Variants in MROH2B observed in about 807,000 individuals in gnomAD.
MROH2B encodes maestro heat like repeat family member 2B.
In MROH2B, 177 loss-of-function variants were observed where a neutral mutation model predicts 208.6. The observed-to-expected ratio is 0.85, with a 90% confidence interval of 0.75 to 0.96. MROH2B has a LOEUF of 0.96. Among genes scored for constraint, MROH2B ranks in the 40% least tolerant of loss-of-function variants. MROH2B has a pLI of 0.00. For missense variants in MROH2B, 2,002 were observed against 1,878.7 expected (o/e 1.07, Z -1.21); for synonymous variants, 728 against 659.0 (o/e 1.10, Z -1.60).
At chr5:41,016,322 C>T (rs558285523) in intron 28 of MROH2B, among the ~76,000 whole-genome samples, 127 of 151,940 alleles carry the variant, frequency 8.4e-4, no homozygotes, top group African/African-American at 2.9e-3. Flanking sequence ...GCGAAAATGT[C>T]GATGTAAATT....
intron 37 of MROH2B, among the ~76,000 whole-genome samples, chr5:41,003,044 T>A (rs1236110694): frequency 6.7e-6 from 1 of 149,940 alleles, no homozygotes; most frequent in African/African-American, 2.5e-5. Context: ...CACTGCAACC[T>A]CTGCCTCCCG....
chr5:41,030,003 T>C (rs146707261), intron 24 of MROH2B, among the ~76,000 whole-genome samples: 9 of 151,982 alleles, frequency 5.9e-5, no homozygotes, highest in African/African-American at 2.2e-4. Flanking sequence ...AAGGATATAA[T>C]CAGCAGAGTG....
chr5:41,025,649 A>G (rs1742328165), intron 24 of MROH2B, among the ~76,000 whole-genome samples: 1 of 152,204 alleles, frequency 6.6e-6, no homozygotes, highest in African/African-American at 2.4e-5. Flanking sequence ...TATTCCAATC[A>G]ATAGAAAAAG....
intron 24 of MROH2B, among the ~76,000 whole-genome samples, chr5:41,022,659 T>C (rs1218875455): frequency 6.6e-6 from 1 of 152,220 alleles, no homozygotes; most frequent in Non-Finnish European, 1.5e-5. Flanking sequence ...CAGAAACCTC[T>C]GCAGACTTAA....
chr5:41,032,602 C>T (rs951663058), intron 24 of MROH2B, 140 bp downstream of exon 24: 1 of 688,562 alleles, frequency 1.5e-6, no homozygotes, highest in Non-Finnish European at 2.4e-6. Flanking sequence ...GAGAAAAAGC[C>T]CCAGTTTGAA....
At chr5:41,048,554 T>C in intron 15 of MROH2B, 89 bp from the exon 16 acceptor site, 1 of 1,356,666 alleles carries the variant, frequency 7.4e-7, no homozygotes, top group Non-Finnish European at 9.8e-7. Context: ...TTCCAATTCC[T>C]TTGATTTCTG....
In MROH2B at chr5:41,071,040, A is replaced by T; in HGVS notation, c.-188T>A. On this transcript the variant is annotated 5_prime_UTR_variant, in exon 1 of 42. Transcript: ENST00000399564. The stretch of plus-strand genomic sequence containing the variant: ...CTTCCAGAGATGGGCTTGCTGTTGA[A>T]GTTGATACTGTATTCTACCACTATG... 1.7e-6 allele frequency: 1 copy of T among 594,186 alleles called. No homozygotes were observed. The highest frequency in any genetic ancestry group is 2.8e-5 in the East Asian group (1 of 35,850). The allele number at this position is 594,186 out of a possible 1,614,324, so 36.8% of individuals were successfully genotyped here.
intron 29 of MROH2B, among the ~76,000 whole-genome samples, chr5:41,014,429 G>C (rs2111850778): frequency 6.6e-6 from 1 of 152,210 alleles, no homozygotes; most frequent in South Asian, 2.1e-4. Context: ...ACACACCAGG[G>C]CCTGTTGTGG....
At position 41,032,755 on chromosome 5, in the gene MROH2B, T is replaced by G; in HGVS notation, c.2428A>C (p.Ile810Leu). Residue 810 changes from isoleucine (I) to leucine (L), a missense_variant, in exon 24 of 42, where the codon ATT (isoleucine) becomes CTT (leucine). Physicochemically the swap from Ile to Leu is conservative, Grantham distance 5 (BLOSUM62 2). Coordinates refer to ENST00000399564, the MANE Select transcript of MROH2B (RefSeq NM_173489.5). The stretch of plus-strand genomic sequence containing the variant: ...AAAATTATCTACCTGAGATACCTAA[T>G]GGCGATTAAGGCTTTCCACCGAATA... ...SPIRWKALIA[I>L]RYLSKLKPQL... The G allele has an allele frequency of 6.2e-7, 1 of 1,612,356 alleles. No individual in the cohort carries two copies. The highest frequency in any genetic ancestry group is 1.1e-5 in the South Asian group (1 of 90,910).
chr5:41,031,628 G>A (rs1742573287), intron 24 of MROH2B, among the ~76,000 whole-genome samples: 1 of 151,972 alleles, frequency 6.6e-6, no homozygotes, highest in Non-Finnish European at 1.5e-5. Flanking sequence ...CGGTACATGT[G>A]TGGGTTTGTT....
rs1741907792 is a variant in MROH2B at position 41,015,440 on chromosome 5, C to T, written c.2923G>A (p.Glu975Lys). Reference sequence around the variant, plus strand: ...TGCACGTCATCACTTTCCAGCCCTTCCTGCAAACCCTGCAGTCTTTCCACT... The same window carrying T: ...TGCACGTCATCACTTTCCAGCCCTTTCTGCAAACCCTGCAGTCTTTCCACT... Reference protein sequence around the residue: ...LEVERLQGLQEGLESDDVQVQ... With the variant: ...LEVERLQGLQKGLESDDVQVQ... Residue 975 changes from glutamate (E) to lysine (K), a missense_variant, in exon 29 of 42, where the codon GAA becomes AAA. Transcript: ENST00000399564. 1.9e-6 allele frequency: 3 copies of T among 1,613,512 alleles called. No individual in the cohort carries two copies. Among genetic ancestry groups the T allele is most frequent in the South Asian group, 1.1e-5 (1 of 91,034 alleles).
rs561339970 is a variant in MROH2B, at chr5:41,037,016, A to G, written c.2214+1720T>C. ...GTGTATAGTAATCTTTATTTTAATC[A>G]TTCTTATTTTCTTTCCTCTTTTATT... On this transcript the variant is annotated intron_variant, in intron 21 of 41. Transcript: ENST00000399564. Among the ~76,000 whole-genome samples, 3 of 152,198 alleles carry G rather than the reference A, an allele frequency of 2.0e-5. No homozygotes were observed. The East Asian group carries it at 5.8e-4, about 29-fold the overall frequency.
chr5:41,007,955 T>C (rs922328197), intron 33 of MROH2B, among the ~76,000 whole-genome samples: 11 of 152,210 alleles, frequency 7.2e-5, no homozygotes, highest in African/African-American at 2.2e-4. Context: ...GCAATTACTT[T>C]TGCACCAACC....
chr5:41,056,954 GA>G (rs1474947758), intron 9 of MROH2B, 154 bp downstream of exon 9: 10 of 756,286 alleles, frequency 1.3e-5, no homozygotes, highest in Non-Finnish European at 2.2e-5. Flanking sequence ...CTTGTGGGGA[GA>G]GGGGCAGGCA....
At chr5:41,007,971 C>A (rs551656738) in intron 33 of MROH2B, among the ~76,000 whole-genome samples, 1 of 152,126 alleles carries the variant, frequency 6.6e-6, no homozygotes, top group South Asian at 2.1e-4. Context: ...CAACCTAATA[C>A]GTGTTGACTA....
intron 39 of MROH2B, 54 bp from the exon 40 acceptor site, chr5:40,999,833 A>G (rs1459115017): frequency 1.3e-6 from 2 of 1,539,234 alleles, no homozygotes; most frequent in Non-Finnish European, 8.9e-7. Flanking sequence ...CCTTTGTGAC[A>G]TTTGGCATCC....
intron 9 of MROH2B, among the ~76,000 whole-genome samples, chr5:41,056,117 A>G (rs1743441403): frequency 6.6e-6 from 1 of 152,310 alleles, no homozygotes; most frequent in East Asian, 1.9e-4. Flanking sequence ...TGCAGATATA[A>G]TGAAGTTAAG....
chr5:41,053,826 C>T (rs901349447), intron 11 of MROH2B, among the ~76,000 whole-genome samples: 1 of 152,212 alleles, frequency 6.6e-6, no homozygotes, highest in African/African-American at 2.4e-5. Flanking sequence ...TAAACATAGT[C>T]ACTGGCAGTC....
intron 31 of MROH2B, 49 bp from the exon 32 acceptor site, chr5:41,009,455 C>T (rs1161693598): frequency 4.4e-6 from 7 of 1,592,066 alleles, no homozygotes; most frequent in Admixed American, 1.7e-5. Context: ...ACCCCTCGGG[C>T]TGTAAGCTTT....
Sources: allele counts gnomAD v4.1 joint callset (sites outside exome capture counted in the v4.1 genomes callset), GRCh38; gene constraint gnomAD v4.1.1; transcripts MANE v1.5; gene names NCBI Gene and HGNC (gene_info 2026-07-23, HGNC 2026-07-21).